Variants in FBLN5 observed in about 807,000 individuals in gnomAD.
FBLN5 encodes fibulin-5.
Under a neutral mutation model 61.6 loss-of-function variants are expected in FBLN5, and 24 were observed. That is an observed-to-expected ratio of 0.39 (90% CI 0.28 to 0.55). FBLN5 has a LOEUF of 0.55. FBLN5 is among the 20% of genes least tolerant of loss of function. The pLI, the probability that FBLN5 is intolerant of heterozygous loss-of-function variation, is 0.65. For missense variants in FBLN5, 470 were observed against 594.1 expected, an observed-to-expected ratio of 0.79 and a Z score of 2.17; for synonymous variants, 213 against 219.8, an observed-to-expected ratio of 0.97 and a Z score of 0.27.
intron 4 of FBLN5, 65 bp downstream of exon 4, chr14:91,936,882 T>C (rs2056024359): frequency 6.3e-7 from 1 of 1,597,632 alleles, no homozygotes; most frequent in Non-Finnish European, 8.6e-7. Flanking sequence ...GTGGTGAGCA[T>C]GCCAGATACA....
intron 4 of FBLN5, among the ~76,000 whole-genome samples, chr14:91,924,094 G>T (rs191342495): frequency 8.5e-5 from 13 of 152,174 alleles, no homozygotes; most frequent in Admixed American, 8.5e-4. Flanking sequence ...TTATTGGAAC[G>T]CTAAGCATGT....
chr14:91,907,886 A>G (rs927336265), intron 4 of FBLN5, among the ~76,000 whole-genome samples: 1 of 152,244 alleles, frequency 6.6e-6, no homozygotes, highest in East Asian at 1.9e-4. Context: ...TCAGCAAAAA[A>G]ACTGGCAATA....
At chr14:91,946,626 G>A in intron 1 of FBLN5, 1 of 1,057,586 alleles carries the variant, frequency 9.5e-7, no homozygotes, top group South Asian at 1.4e-5. Context: ...GACTGTGGGT[G>A]TCATTTAGGT....
At chr14:91,874,355 C>T (rs1191720093) in intron 10 of FBLN5, 2 of 152,196 alleles carry the variant, frequency 1.3e-5, no homozygotes, top group African/African-American at 4.8e-5. Context: ...ATCATAACTG[C>T]TATTTCTGGA....
At chr14:91,880,554 TG>T (rs1889386893) in intron 9 of FBLN5, among the ~76,000 whole-genome samples, 6 of 151,930 alleles carry the variant, frequency 3.9e-5, no homozygotes, top group East Asian at 1.9e-4. Context: ...TGTGTGTGTG[TG>T]TGTGTGTTTT....
intron 4 of FBLN5, among the ~76,000 whole-genome samples, chr14:91,910,851 A>G (rs1358571697): frequency 1.3e-5 from 2 of 152,188 alleles, no homozygotes; most frequent in African/African-American, 2.4e-5. Flanking sequence ...AAGCAGGAAC[A>G]AAGAGGTCTG....
intron 4 of FBLN5, among the ~76,000 whole-genome samples, chr14:91,924,268 G>A (rs1052877277): frequency 6.6e-6 from 1 of 152,196 alleles, no homozygotes; most frequent in African/African-American, 2.4e-5. Context: ...GTGGTCATAA[G>A]TTAACCTATG....
intron 4 of FBLN5, among the ~76,000 whole-genome samples, chr14:91,925,587 T>C (rs563702544): frequency 4.6e-5 from 7 of 152,296 alleles, no homozygotes; most frequent in African/African-American, 1.7e-4. Flanking sequence ...GGTGAAGCCC[T>C]GGGAGCCAGT....
intron 4 of FBLN5, 124 bp from the exon 5 acceptor site, chr14:91,895,196 G>A: frequency 8.6e-7 from 1 of 1,166,894 alleles, no homozygotes; most frequent in Non-Finnish European, 1.3e-6. Context: ...TTACACCCAA[G>A]GAGGTGGCAG....
intron 4 of FBLN5, among the ~76,000 whole-genome samples, chr14:91,903,098 T>C (rs1334169865): frequency 6.6e-6 from 1 of 152,186 alleles, no homozygotes; most frequent in Non-Finnish European, 1.5e-5. Context: ...ACTATTTTTT[T>C]TTAATGGGGA....
chr14:91,920,097 C>T (rs2055708330), intron 4 of FBLN5, among the ~76,000 whole-genome samples: 1 of 152,204 alleles, frequency 6.6e-6, no homozygotes, highest in Admixed American at 6.5e-5. Flanking sequence ...GGTCAGTAGG[C>T]TGTGCTGGAA....
intron 4 of FBLN5, among the ~76,000 whole-genome samples, chr14:91,916,510 G>A (rs1362014614): frequency 6.6e-6 from 1 of 152,182 alleles, no homozygotes; most frequent in African/African-American, 2.4e-5. Context: ...CTGTAAAGAG[G>A]ATTCATGGTA....
intron 10 of FBLN5, among the ~76,000 whole-genome samples, chr14:91,872,952 G>A (rs980296725): frequency 1.3e-5 from 2 of 152,230 alleles, no homozygotes; most frequent in Admixed American, 6.5e-5. Context: ...AGGGAGAAGG[G>A]GGCAAGTGCA....
chr14:91,885,172 C>T (rs941487336), intron 7 of FBLN5, among the ~76,000 whole-genome samples: 2 of 152,148 alleles, frequency 1.3e-5, no homozygotes, highest in Admixed American at 1.3e-4. Context: ...TTATCCTGGG[C>T]CAGTCTGCTC....
rs200972120 is a variant in FBLN5 at position 91,881,369 on chromosome 14, C to T, written c.912G>A (p.Thr304=). 28 of 1,613,900 alleles carry T rather than the reference C, an allele frequency of 1.7e-5. No individual in the cohort carries two copies. In the East Asian group the frequency reaches 4.9e-4, roughly 28 times the overall value. Residue 304 remains threonine, a synonymous_variant, in exon 9 of 11, where the codon ACG becomes ACA. Coordinates refer to ENST00000342058, the MANE Select transcript of FBLN5 (RefSeq NM_006329.4). Reference sequence around the variant, plus strand: ...TGAAGCCCCCTTGTAAATTGTAGCACGTCTGCTGCAGGTTGCACGTGTGGT... The same window carrying T: ...TGAAGCCCCCTTGTAAATTGTAGCATGTCTGCTGCAGGTTGCACGTGTGGT... ...HRNHTCNLQQ[T]CYNLQGGFKC...
intron 2 of FBLN5, 114 bp from the exon 3 acceptor site, chr14:91,940,730 C>A (rs142635258): frequency 1.2e-5 from 10 of 801,348 alleles, no homozygotes; most frequent in Admixed American, 6.0e-5. Context: ...CTCCAAAATA[C>A]CAATACCTGT....
intron 2 of FBLN5, chr14:91,942,221 C>A (rs1412735586): frequency 2.2e-6 from 1 of 455,414 alleles, no homozygotes; most frequent in Admixed American, 2.4e-5. Flanking sequence ...TCTTCCAGAA[C>A]CCCTAAGGCC....
At chr14:91,933,707 G>A (rs75846013) in intron 4 of FBLN5, among the ~76,000 whole-genome samples, 2,154 of 152,208 alleles carry the variant, frequency 0.014, 56 homozygotes, top group African/African-American at 0.049. Context: ...GATTGTGCCC[G>A]TGCTGATAAC....
At chr14:91,922,938 C>T (rs758926297) in intron 4 of FBLN5, among the ~76,000 whole-genome samples, 1 of 152,104 alleles carries the variant, frequency 6.6e-6, no homozygotes, top group South Asian at 2.1e-4. Flanking sequence ...TGACCAGGAC[C>T]CTGAGAACAT....
Sources: gnomAD v4.1 joint callset for allele counts (sites outside exome capture counted in the v4.1 genomes callset) on GRCh38, gnomAD v4.1.1 for gene constraint, MANE v1.5 for transcripts, NCBI Gene and HGNC (gene_info 2026-07-23, HGNC 2026-07-21) for gene names.